The following CYB5R4 variants were observed in gnomAD, a reference collection of about 807,000 sequenced individuals.
CYB5R4 encodes the protein N-terminal cytochrome b5 and cytochrome b5 oxidoreductase domain-containing protein.
Under a neutral mutation model 70.2 loss-of-function variants are expected in CYB5R4, and 55 were observed. That is an observed-to-expected ratio of 0.78 (90% CI 0.63 to 0.98). CYB5R4 has a LOEUF of 0.98. CYB5R4 is among the 50% of genes least tolerant of loss of function. The probability of loss-of-function intolerance (pLI) is 0.00; values close to 1 mark genes in which losing one functional copy is unlikely to be tolerated. For synonymous variants in CYB5R4, 197 were observed against 199.5 expected, an observed-to-expected ratio of 0.99 and a Z score of 0.11; for missense variants, 562 against 612.6, an observed-to-expected ratio of 0.92 and a Z score of 0.87.
chr6:83,862,129 A>G (rs1273068686), intron 1 of CYB5R4, among the ~76,000 whole-genome samples: 1 of 152,228 alleles, frequency 6.6e-6, no homozygotes, highest in African/African-American at 2.4e-5. Context: ...ATTTTATAGG[A>G]TTGTTCATAG....
chr6:83,932,623 C>G (rs1356022301), intron 10 of CYB5R4, among the ~76,000 whole-genome samples: 1 of 151,998 alleles, frequency 6.6e-6, no homozygotes, highest in African/African-American at 2.4e-5. Flanking sequence ...TGCAAGGCCA[C>G]GAAGTATCCA....
chr6:83,893,067 T>C (rs139153739), intron 2 of CYB5R4, among the ~76,000 whole-genome samples: 2 of 152,318 alleles, frequency 1.3e-5, no homozygotes, highest in African/African-American at 4.8e-5. Flanking sequence ...TACTCTTCTG[T>C]ATAATAAATA....
chr6:83,903,541 T>C (rs2099463328), intron 3 of CYB5R4, among the ~76,000 whole-genome samples: 2 of 152,082 alleles, frequency 1.3e-5, no homozygotes, highest in African/African-American at 4.8e-5. Context: ...ATGCTGGCCT[T>C]GTAGAATAAA....
Position 83,967,303 on chromosome 6 carries a change from A to T in CYB5R4, c.*7425A>T, listed in dbSNP as rs1428911041. ...GTAGAACTAAAACAAAATGAGAGTT[A>T]AAAAAGAAAGAGTATAGGTATATGC... On this transcript the variant is annotated 3_prime_UTR_variant, in exon 16 of 16. Coordinates refer to ENST00000369681, the MANE Select transcript of CYB5R4 (RefSeq NM_016230.4). 6.6e-6 allele frequency: 1 copy of T among 152,244 alleles called. No homozygotes were observed. Among genetic ancestry groups the T allele is most frequent in the Non-Finnish European group, 1.5e-5 (1 of 68,046 alleles). 9.4% of individuals were successfully genotyped at this position (152,244 alleles called of 1,614,324 possible). A position where few individuals can be genotyped will look rare whatever the true frequency, so the allele number is the denominator to read the frequency against.
intron 10 of CYB5R4, chr6:83,926,198 C>T (rs1588578742): frequency 1.3e-5 from 2 of 152,142 alleles, no homozygotes; most frequent in Non-Finnish European, 1.5e-5. Context: ...CGGTTATATT[C>T]ACTATATGGC....
chr6:83,912,893 T>TG (rs891758502), intron 4 of CYB5R4, among the ~76,000 whole-genome samples: 5 of 152,058 alleles, frequency 3.3e-5, no homozygotes, highest in African/African-American at 9.7e-5. Context: ...GACTTGGTGG[T>TG]GGGGGGGAAC....
intron 3 of CYB5R4, among the ~76,000 whole-genome samples, chr6:83,905,959 T>G (rs1373918905): frequency 6.6e-6 from 1 of 151,330 alleles, no homozygotes; most frequent in Non-Finnish European, 1.5e-5. Flanking sequence ...CTGGGAGGAG[T>G]GTTCAGGTGC....
intron 14 of CYB5R4, among the ~76,000 whole-genome samples, chr6:83,950,625 T>C (rs1466229699): frequency 6.6e-6 from 1 of 152,196 alleles, no homozygotes; most frequent in African/African-American, 2.4e-5. Context: ...AAATGAGTCG[T>C]TCTTGGAGAC....
At chr6:83,877,535 G>A (rs936185108) in intron 2 of CYB5R4, among the ~76,000 whole-genome samples, 16 of 151,088 alleles carry the variant, frequency 1.1e-4, no homozygotes, top group African/African-American at 3.9e-4. Context: ...CATGGTGAGA[G>A]AGGGGGAAGG....
intron 4 of CYB5R4, 102 bp from the exon 5 acceptor site, chr6:83,914,314 C>G: frequency 7.7e-7 from 1 of 1,301,028 alleles, no homozygotes; most frequent in Middle Eastern, 2.3e-4. Flanking sequence ...GAAAGCCCTT[C>G]AAAAAAGAAG....
intron 2 of CYB5R4, among the ~76,000 whole-genome samples, chr6:83,874,878 A>G (rs1414587414): frequency 1.3e-5 from 2 of 150,852 alleles, no homozygotes; most frequent in African/African-American, 2.4e-5. Context: ...GCTGGAGTGC[A>G]GTGGCGCGAT....
At chr6:83,896,181 C>A (rs2099461865) in intron 3 of CYB5R4, among the ~76,000 whole-genome samples, 1 of 152,120 alleles carries the variant, frequency 6.6e-6, no homozygotes, top group Admixed American at 6.6e-5. Flanking sequence ...TTTCTCCCTT[C>A]CCACTACCTT....
At chr6:83,863,789 A>G (rs2099456326) in intron 1 of CYB5R4, among the ~76,000 whole-genome samples, 1 of 152,236 alleles carries the variant, frequency 6.6e-6, no homozygotes, top group African/African-American at 2.4e-5. Context: ...TTTACATAGC[A>G]TTTACATTGC....
intron 2 of CYB5R4, among the ~76,000 whole-genome samples, chr6:83,868,944 G>A (rs1207061292): frequency 6.6e-6 from 1 of 152,106 alleles, no homozygotes; most frequent in Admixed American, 6.5e-5. Flanking sequence ...TTGAATAAAT[G>A]GTATTTCAAA....
chr6:83,916,067 A>T (rs907212384), intron 5 of CYB5R4, among the ~76,000 whole-genome samples: 2 of 152,146 alleles, frequency 1.3e-5, no homozygotes, highest in Non-Finnish European at 2.9e-5. Flanking sequence ...TTAGTTTTAA[A>T]TTAAGATATA....
intron 10 of CYB5R4, among the ~76,000 whole-genome samples, chr6:83,926,821 T>C (rs2129140933): frequency 6.6e-6 from 1 of 152,328 alleles, no homozygotes; most frequent in South Asian, 2.1e-4. Context: ...TGGGAAGACC[T>C]ATCCAAGCTT....
intron 13 of CYB5R4, 90 bp from the exon 14 acceptor site, chr6:83,940,425 C>T: frequency 1.6e-6 from 2 of 1,271,602 alleles, no homozygotes; most frequent in Admixed American, 2.9e-5. Flanking sequence ...GGCACTAAAA[C>T]ATTCACACTG....
At chr6:83,877,594 C>T (rs918370842) in intron 2 of CYB5R4, among the ~76,000 whole-genome samples, 4 of 151,998 alleles carry the variant, frequency 2.6e-5, no homozygotes, top group African/African-American at 4.8e-5. Context: ...TTTTGACAAT[C>T]GGCTTTCACA....
chr6:83,940,138 A>G lies in CYB5R4; in HGVS notation c.1191A>G (p.Ala397=), dbSNP rs1417229015. Residue 397 remains alanine, a synonymous_variant, in exon 13 of 16, where the codon GCA becomes GCG. Coordinates refer to ENST00000369681, the MANE Select transcript of CYB5R4 (RefSeq NM_016230.4). The part of the protein sequence containing the change: ...FQELEDLFLL[A]AGTGFTPMVK... ...AATTAGAAGATCTCTTTTTGTTGGC[A>G]GCTGGAACAGGCTTCACACCAATGG... 1 of 1,612,464 alleles carries G rather than the reference A, an allele frequency of 6.2e-7. No individual in the cohort carries two copies. The highest frequency in any genetic ancestry group is 1.1e-5 in the South Asian group (1 of 91,014).
Sources: gnomAD v4.1 joint callset for allele counts (sites outside exome capture counted in the v4.1 genomes callset) on GRCh38, gnomAD v4.1.1 for gene constraint, MANE v1.5 for transcripts, NCBI Gene and HGNC (gene_info 2026-07-23, HGNC 2026-07-21) for gene names.